The following RARB variants were observed in gnomAD, a reference collection of about 807,000 sequenced individuals.
RARB encodes retinoic acid receptor beta.
A neutral mutation model predicts 51.9 loss-of-function variants in RARB; 17 were observed. That is an observed-to-expected ratio of 0.33 (90% confidence interval 0.22 to 0.49). The LOEUF (loss-of-function observed/expected upper bound fraction) is 0.49. Among genes scored for constraint, RARB ranks in the 20% least tolerant of loss-of-function variants. The probability of loss-of-function intolerance (pLI) is 0.99; values close to 1 mark genes in which losing one functional copy is unlikely to be tolerated. For missense variants in RARB, 369 were observed against 550.8 expected (o/e 0.67, Z 3.30); for synonymous variants, 215 against 195.4 (o/e 1.10, Z -0.84).
intron 2 of RARB, among the ~76,000 whole-genome samples, chr3:24,903,083 T>C (rs529875843): frequency 2.6e-5 from 4 of 152,210 alleles, no homozygotes; most frequent in Non-Finnish European, 5.9e-5. Flanking sequence ...TTATAGAATT[T>C]ATGAAAAATC....
At chr3:24,894,262 G>GCCGCCC (rs1422480415) in intron 2 of RARB, among the ~76,000 whole-genome samples, 3 of 150,582 alleles carry the variant, frequency 2.0e-5, no homozygotes, top group Admixed American at 6.6e-5. Context: ...AGCACACTGT[G>GCCGCCC]CCGCCCCCGC....
intron 3 of RARB, among the ~76,000 whole-genome samples, chr3:25,514,074 C>A (rs923444879): frequency 6.6e-6 from 1 of 152,192 alleles, no homozygotes; most frequent in Non-Finnish European, 1.5e-5. Flanking sequence ...AAAATAGCAA[C>A]CTGAAATTCT....
intron 3 of RARB, among the ~76,000 whole-genome samples, chr3:25,502,149 A>C (rs944985395): frequency 2.0e-5 from 3 of 152,164 alleles, no homozygotes; most frequent in African/African-American, 7.2e-5. Context: ...GATTTTGGTG[A>C]TGGCGTGCTG....
intron 5 of RARB, among the ~76,000 whole-genome samples, chr3:25,244,114 T>G (rs1478289319): frequency 6.6e-6 from 1 of 152,188 alleles, no homozygotes; most frequent in African/African-American, 2.4e-5. Flanking sequence ...GTTTCTAGTA[T>G]TCTCTGATAG....
intron 3 of RARB, among the ~76,000 whole-genome samples, chr3:25,129,783 ATGT>A (rs1247381069): frequency 2.0e-5 from 3 of 152,192 alleles, no homozygotes; most frequent in South Asian, 2.1e-4. Context: ...GTTTACCTAA[ATGT>A]TGTAGCCATC....
At chr3:25,144,862 T>G (rs1252141028) in intron 4 of RARB, among the ~76,000 whole-genome samples, 2 of 152,182 alleles carry the variant, frequency 1.3e-5, no homozygotes, top group African/African-American at 2.4e-5. Context: ...ATAAATGAAT[T>G]TTGGTGGAGT....
intron 3 of RARB, among the ~76,000 whole-genome samples, chr3:25,118,727 A>T (rs1699731399): frequency 6.6e-6 from 1 of 152,082 alleles, no homozygotes; most frequent in Non-Finnish European, 1.5e-5. Context: ...TCTTGGTGGA[A>T]GGATACCTGG....
chr3:25,002,075 T>C (rs1354188085), intron 2 of RARB, among the ~76,000 whole-genome samples: 2 of 152,292 alleles, frequency 1.3e-5, no homozygotes, highest in Admixed American at 6.5e-5. Flanking sequence ...CTGGCTTATA[T>C]GTCAGATTCT....
intron 4 of RARB, among the ~76,000 whole-genome samples, chr3:25,579,083 C>T (rs1701064284): frequency 6.6e-6 from 1 of 152,142 alleles, no homozygotes; most frequent in Non-Finnish European, 1.5e-5. Flanking sequence ...TCTCTAACAC[C>T]TAATAGCTCA....
intron 5 of RARB, among the ~76,000 whole-genome samples, chr3:25,312,337 A>C (rs1704310780): frequency 6.6e-6 from 1 of 151,986 alleles, no homozygotes; most frequent in Admixed American, 6.6e-5. Context: ...CAACCCCGGG[A>C]GGGAGGCAGA....
At chr3:25,140,239 G>T (rs1309361528) in intron 4 of RARB, among the ~76,000 whole-genome samples, 1 of 152,120 alleles carries the variant, frequency 6.6e-6, no homozygotes, top group Admixed American at 6.5e-5. Flanking sequence ...GATGGATTTT[G>T]GCAGAGTTAA....
intron 5 of RARB, among the ~76,000 whole-genome samples, chr3:25,422,352 G>A (rs1707884784): frequency 6.6e-6 from 1 of 152,134 alleles, no homozygotes; most frequent in Non-Finnish European, 1.5e-5. Flanking sequence ...TAGCTTATTG[G>A]AAGATGTATT....
chr3:25,131,496 G>C (rs900746520), intron 3 of RARB, among the ~76,000 whole-genome samples: 23 of 151,970 alleles, frequency 1.5e-4, no homozygotes, highest in African/African-American at 5.3e-4. Flanking sequence ...TATCATGGCA[G>C]TGTTTATGTT....
At chr3:25,566,226 C>T (rs1700488880) in intron 3 of RARB, among the ~76,000 whole-genome samples, 1 of 152,152 alleles carries the variant, frequency 6.6e-6, no homozygotes, top group Non-Finnish European at 1.5e-5. Context: ...CTGCTGAAGC[C>T]ACGTGTTTAG....
chr3:25,444,620 T>A (rs1156667499), intron 1 of RARB, among the ~76,000 whole-genome samples: 1 of 152,234 alleles, frequency 6.6e-6, no homozygotes, highest in Non-Finnish European at 1.5e-5. Context: ...GTGAGTATTA[T>A]GGCCTATTAC....
In RARB at chr3:25,076,044, T is replaced by A. The variant is rs368223218; in HGVS notation, c.-328+15868T>A. On this transcript the variant is annotated intron_variant, in intron 3 of 11. Coordinates refer to the RARB transcript ENST00000383772. The stretch of plus-strand genomic sequence containing the variant: ...GTTTATTGCTTTGCAATCTCAAAAA[T>A]CTTTATTAGGATGAAACAATAATCT... Among the ~76,000 whole-genome samples, 6 of 152,280 alleles carry A rather than the reference T, an allele frequency of 3.9e-5. No individual in the cohort carries two copies. The East Asian group carries it at 1.2e-3, about 29-fold the overall frequency.
chr3:25,440,218 G>A (rs6785809), intron 1 of RARB, among the ~76,000 whole-genome samples: 11,193 of 152,054 alleles, frequency 0.074, 722 homozygotes, highest in African/African-American at 0.17. Context: ...CAGGAGGCCC[G>A]AGGCAGGCAG....
chr3:25,128,922 C>T (rs766143821), intron 3 of RARB, among the ~76,000 whole-genome samples: 3 of 151,982 alleles, frequency 2.0e-5, no homozygotes, highest in Non-Finnish European at 2.9e-5. Flanking sequence ...TAACTGGAAG[C>T]TAGGTTGGAA....
At chr3:25,292,561 CAA>C (rs1410924363) in intron 5 of RARB, among the ~76,000 whole-genome samples, 1 of 152,166 alleles carries the variant, frequency 6.6e-6, no homozygotes, top group Non-Finnish European at 1.5e-5. Flanking sequence ...TCTTCTAAAA[CAA>C]GAGAGAGCTT....
Sources: gnomAD v4.1 joint callset for allele counts (sites outside exome capture counted in the v4.1 genomes callset) on GRCh38, gnomAD v4.1.1 for gene constraint, MANE v1.5 for transcripts, NCBI Gene and HGNC (gene_info 2026-07-23, HGNC 2026-07-21) for gene names.